ARHGAP45: variants seen among roughly 807,000 people sequenced by gnomAD.
ARHGAP45 encodes the protein Rho GTPase activating protein 45, also known as rho GTPase-activating protein 45.
A neutral mutation model predicts 116.1 loss-of-function variants in ARHGAP45; 56 were observed. The ratio of observed to expected loss-of-function variants is 0.48; its 90% CI spans 0.39 to 0.60. The LOEUF (loss-of-function observed/expected upper bound fraction) is 0.60, where lower values mean the gene tolerates loss of function less well. Among genes scored for constraint, ARHGAP45 ranks in the 20% least tolerant of loss-of-function variants. The pLI, the probability that ARHGAP45 is intolerant of heterozygous loss-of-function variation, is 0.00. For synonymous variants in ARHGAP45, 866 were observed against 701.7 expected (o/e 1.23, Z -3.70); for missense variants, 1,622 against 1,601.0 (o/e 1.01, Z -0.22).
rs199869239 is a variant in ARHGAP45, at chr19:1,080,671, T to C, written c.1913-11T>C. The C allele has an allele frequency of 3.3e-4, 540 of 1,612,236 alleles. No homozygotes were observed. The highest frequency in any genetic ancestry group is 3.8e-4 in the Non-Finnish European group (446 of 1,179,120). On this transcript the variant is annotated splice_polypyrimidine_tract_variant and intron_variant, in intron 15 of 22. Coordinates refer to ENST00000313093, the MANE Select transcript of ARHGAP45 (RefSeq NM_012292.5). Reference sequence around the variant, plus strand: ...GCTGGGGGAGTCTGAACAGTCCTGATTCCCGCCCAGGGGACTTTAAGAAGT... The same window carrying C: ...GCTGGGGGAGTCTGAACAGTCCTGACTCCCGCCCAGGGGACTTTAAGAAGT...
chr19:1,076,479 T>C (rs973041039), intron 10 of ARHGAP45, among the ~76,000 whole-genome samples: 1 of 138,936 alleles, frequency 7.2e-6, no homozygotes, highest in Non-Finnish European at 1.5e-5. Context: ...TTGTTGGCAG[T>C]AGTCTTTTTT....
At chr19:1,067,877 G>C (rs954759538) in intron 1 of ARHGAP45, among the ~76,000 whole-genome samples, 2 of 150,792 alleles carry the variant, frequency 1.3e-5, no homozygotes, top group Admixed American at 1.3e-4. Flanking sequence ...AAGGTTGACC[G>C]GGCAGCAGAT....
Position 1,074,768 on chromosome 19 carries a change from G to A in ARHGAP45, c.1105-31G>A, listed in dbSNP as rs768301732. 19 of 1,599,236 alleles carry A rather than the reference G, an allele frequency of 1.2e-5. No homozygotes were observed. In the Admixed American group the frequency reaches 3.2e-4, roughly 27 times the overall value. ...GGCGGGCTGGGCGGGGGTGTCACCGGGGTACCCACTCACGGCCCGTCTCGC... is the reference window on the plus strand; with the variant it reads ...GGCGGGCTGGGCGGGGGTGTCACCGAGGTACCCACTCACGGCCCGTCTCGC... On this transcript the variant is annotated intron_variant, in intron 9 of 22. Transcript: ENST00000313093.
chr19:1,080,128 C>A lies in ARHGAP45; in HGVS notation c.1703+10C>A. 6.2e-7 allele frequency: 1 copy of A among 1,610,864 alleles called. No individual in the cohort carries two copies. Among genetic ancestry groups the A allele is most frequent in the Non-Finnish European group, 8.5e-7 (1 of 1,178,808 alleles). ...TCTCCGCCAACGCCTGGTACCGCCA[C>A]CCAGCTGCCCTGTCCCCGGCGCACA... On this transcript the variant is annotated intron_variant, in intron 13 of 22. Transcript: ENST00000313093.
intron 10 of ARHGAP45, among the ~76,000 whole-genome samples, chr19:1,075,308 T>C (rs2043225100): frequency 6.9e-6 from 1 of 145,450 alleles, no homozygotes; most frequent in African/African-American, 2.6e-5. Flanking sequence ...CATGGCACCA[T>C]CTAGGCTTTC....
Position 1,067,494 on chromosome 19 carries a change from G to T in ARHGAP45, c.89G>T (p.Gly30Val), listed in dbSNP as rs750040122. 10 of 1,597,896 alleles carry T rather than the reference G, an allele frequency of 6.3e-6. No individual in the cohort carries two copies. ...GGAAGCCCCAGCCCGCAGCCCTCGGGGGTGAGTGGAGCCCGGGTGAGACCC... is the reference window on the plus strand; with the variant it reads ...GGAAGCCCCAGCCCGCAGCCCTCGGTGGTGAGTGGAGCCCGGGTGAGACCC... ...RAGSPSPQPSGELPRKDGADA... is the reference protein window; with the variant it reads ...RAGSPSPQPSVELPRKDGADA... The change falls in exon 1 of 23, where the codon GGG becomes GTG. Residue 30 changes from glycine (G) to valine (V), a missense_variant and splice_region_variant. Transcript: ENST00000313093.
rs879554095 is a variant in ARHGAP45, at chr19:1,086,364, GGCCCT to G, written c.*369_*373del. On this transcript the variant is annotated 3_prime_UTR_variant, in exon 23 of 23. Coordinates refer to ENST00000313093, the MANE Select transcript of ARHGAP45 (RefSeq NM_012292.5). ...GGTCATCACGGGGACGCAGGAGGCA[GGCCCT>G]GCCCTGCCCTCTCCTCACAGGTCTG... 3.6e-5 allele frequency: 9 copies of G among 249,924 alleles called. No individual in the cohort carries two copies. The highest frequency in any genetic ancestry group is 1.0e-4 in the Admixed American group (2 of 19,748). The allele number at this position is 249,924 out of a possible 1,614,324, so 15.5% of individuals were successfully genotyped here.
chr19:1,080,044 C>G lies in ARHGAP45; in HGVS notation c.1629C>G (p.His543Gln). The G allele has an allele frequency of 6.2e-7, 1 of 1,612,858 alleles. No individual in the cohort carries two copies. Among genetic ancestry groups the G allele is most frequent in the Non-Finnish European group, 8.5e-7 (1 of 1,179,928 alleles). ...ACCCAGGCCAGCAGTACGCCTCCCACGTGCGCCAGCTGCAGCGGGACCAGG... is the reference window on the plus strand; with the variant it reads ...ACCCAGGCCAGCAGTACGCCTCCCAGGTGCGCCAGCTGCAGCGGGACCAGG... ...LYDPGQQYAS[H>Q]VRQLQRDQEP... Residue 543 changes from histidine (H) to glutamine (Q), a missense_variant, in exon 13 of 23, where the codon CAC (histidine) becomes CAG (glutamine). This residue lies in a region of ARHGAP45 where 1,334 missense variants were observed against 1,263.8 expected (regional missense o/e 1.06). Coordinates refer to ENST00000313093, the MANE Select transcript of ARHGAP45 (RefSeq NM_012292.5).
intron 12 of ARHGAP45, 30 bp from the exon 13 acceptor site, chr19:1,079,898 G>A (rs1292034763): frequency 6.3e-7 from 1 of 1,598,666 alleles, no homozygotes; most frequent in African/African-American, 1.3e-5. Context: ...GCCTCCTCCT[G>A]ACCCCTCCGC....
chr19:1,085,573 CTCCCCATCTCTCCTGTCTG>C, intron 22 of ARHGAP45, 68 bp from the exon 23 acceptor site: 6 of 874,636 alleles, frequency 6.9e-6, no homozygotes, highest in South Asian at 3.5e-5. Context: ...TCTCCTGTCT[CTCCCCATCTCTCCTGTCTG>C]TCCCTCCCCT....
chr19:1,085,877 C>T lies in ARHGAP45; in HGVS notation c.3282C>T (p.Ala1094=), dbSNP rs771957893. 1.2e-6 allele frequency: 2 copies of T among 1,611,888 alleles called. No individual in the cohort carries two copies. The highest frequency in any genetic ancestry group is 8.5e-7 in the Non-Finnish European group (1 of 1,179,922). Residue 1094 remains alanine, a synonymous_variant, in exon 23 of 23, where the codon GCC becomes GCT. Coordinates refer to ENST00000313093, the MANE Select transcript of ARHGAP45 (RefSeq NM_012292.5). ...EDGDGDEDGP[A]QQLSGFNTNQ... is the part of the protein sequence containing the mutation. The stretch of plus-strand genomic sequence containing the variant: ...GGGACGGGGACGAGGACGGCCCGGC[C>T]CAGCAGCTCTCAGGATTCAACACCA...
Position 1,071,516 on chromosome 19 carries a change from C to T in ARHGAP45, c.422-1633C>T, listed in dbSNP as rs2043140724. 1 of 470,638 alleles carries T rather than the reference C, an allele frequency of 2.1e-6. No homozygotes were observed. The highest frequency in any genetic ancestry group is 2.8e-6 in the Non-Finnish European group (1 of 356,926). 29.2% of individuals were successfully genotyped at this position (470,638 alleles called of 1,614,324 possible). A position where few individuals can be genotyped will look rare whatever the true frequency, so the allele number is the denominator to read the frequency against. On this transcript the variant is annotated intron_variant, in intron 2 of 22. Transcript: ENST00000313093. This position sits in a 1 kb window ranked among gnomAD's most constrained non-coding sequence, Gnocchi z 4.6. ...TGCGCTGCGCAGGGGTCGCGCCGGC[C>T]GCCGGCTTCCCGGGTAGGGGGTGTG...
At chr19:1,084,212 C>G (rs370049033) in intron 21 of ARHGAP45, 26 bp from the exon 22 acceptor site, 6 of 1,603,592 alleles carry the variant, frequency 3.7e-6, no homozygotes, top group Non-Finnish European at 5.1e-6. Flanking sequence ...CCCGGCCCCT[C>G]TATGACTTCC....
chr19:1,082,388 C>T (rs1427077233), intron 19 of ARHGAP45: 2 of 178,078 alleles, frequency 1.1e-5, no homozygotes, highest in Non-Finnish European at 2.0e-5. Flanking sequence ...TAGACAAGTG[C>T]GGGGCTGGCG....
In ARHGAP45 at chr19:1,085,858, GGGACGA is replaced by G. The variant is rs569104923; in HGVS notation, c.3269_3274del (p.Glu1090_Asp1091del). On this transcript the variant is annotated inframe_deletion, in exon 23 of 23. Coordinates refer to ENST00000313093, the MANE Select transcript of ARHGAP45 (RefSeq NM_012292.5). ...GCCACAGCCCGGGAGGACGGGGACG[GGGACGA>G]GGACGGCCCGGCCCAGCAGCTCTCA... 6.7e-5 allele frequency: 108 copies of G among 1,612,838 alleles called. 1 individual carries two copies. The African/African-American group carries it at 9.9e-4, about 15-fold the overall frequency.
Position 1,068,775 on chromosome 19 carries a change from T to C in ARHGAP45, c.421+31T>C, listed in dbSNP as rs774580537. The stretch of plus-strand genomic sequence containing the variant: ...AGCCACGGGGACACCGAGGCCTGGG[T>C]GGAAGACAGAGCCAGACCCAAGGGA... On this transcript the variant is annotated intron_variant, in intron 2 of 22. Transcript: ENST00000313093. This position sits in a 1 kb window ranked among gnomAD's most constrained non-coding sequence, Gnocchi z 7.5. 6.3e-7 allele frequency: 1 copy of C among 1,592,428 alleles called. No individual in the cohort carries two copies. Among genetic ancestry groups the C allele is most frequent in the East Asian group, 2.3e-5 (1 of 44,382 alleles).
rs1397868542 is a variant in ARHGAP45, at chr19:1,071,475, C to A, written c.422-1674C>A. On this transcript the variant is annotated intron_variant, in intron 2 of 22. Transcript: ENST00000313093. The surrounding 1 kb of genome is among the most constrained non-coding windows in gnomAD (Gnocchi z 4.6). ...CTGCCGCGCGCCTGGCCTGGCCGTGCGCACCTGGGCATCCCTGCGCTGCGC... is the reference window on the plus strand; with the variant it reads ...CTGCCGCGCGCCTGGCCTGGCCGTGAGCACCTGGGCATCCCTGCGCTGCGC... The A allele has an allele frequency of 2.5e-6, 2 of 796,376 alleles. No individual in the cohort carries two copies. Among genetic ancestry groups the A allele is most frequent in the Non-Finnish European group, 3.1e-6 (2 of 646,582 alleles). The allele number at this position is 796,376 out of a possible 1,614,324, so 49.3% of individuals were successfully genotyped here. A position where few individuals can be genotyped will look rare whatever the true frequency, so the allele number is the denominator to read the frequency against.
chr19:1,082,312 C>A lies in ARHGAP45; in HGVS notation c.2517+351C>A, dbSNP rs1012104153. On this transcript the variant is annotated intron_variant, in intron 19 of 22. Coordinates refer to ENST00000313093, the MANE Select transcript of ARHGAP45 (RefSeq NM_012292.5). ...GGGCCGGGGCTCGGTGGGGCGTGGC[C>A]AGAGCAAGATGGGCGTGTTCAGCGC... 8.0e-5 allele frequency among the ~76,000 whole-genome samples: 12 copies of A among 149,422 alleles called. 1 individual carries two copies. In the Middle Eastern group the frequency reaches 0.021, roughly 265 times the overall value.
At chr19:1,084,040 G>A (rs971215538) in intron 21 of ARHGAP45, among the ~76,000 whole-genome samples, 198 bp from the exon 22 acceptor site, 6 of 152,296 alleles carry the variant, frequency 3.9e-5, no homozygotes, top group South Asian at 2.1e-4. Context: ...ACTGCACGCG[G>A]CGTCTCGTAT....
Sources: gnomAD v4.1 joint callset for allele counts (sites outside exome capture counted in the v4.1 genomes callset) on GRCh38, gnomAD v4.1.1 for gene constraint, gnomAD v4.1.1 regional missense constraint, Gnocchi (gnomAD v3.1) non-coding constraint, MANE v1.5 for transcripts, NCBI Gene and HGNC (gene_info 2026-07-23, HGNC 2026-07-21) for gene names.